The following FHIT variants were observed in gnomAD, a reference collection of about 807,000 sequenced individuals.
The protein encoded by FHIT is fragile histidine triad diadenosine triphosphatase.
FHIT carries 19 observed loss-of-function variants against 17.9 expected under a neutral mutation model. The observed-to-expected ratio is 1.06, with a 90% CI of 0.74 to 1.56. The LOEUF is 1.56. Among genes scored for constraint, FHIT ranks in the 40% most tolerant of loss-of-function variants. The pLI is 0.00. For synonymous variants in FHIT, 81 were observed against 69.7 expected, an observed-to-expected ratio of 1.16 and a Z score of -0.81; for missense variants, 248 against 189.2, an observed-to-expected ratio of 1.31 and a Z score of -1.82.
intron 3 of FHIT, among the ~76,000 whole-genome samples, chr3:60,995,549 C>A (rs1575813027): frequency 6.6e-6 from 1 of 152,212 alleles, no homozygotes; most frequent in Non-Finnish European, 1.5e-5. Context: ...GGTGTCCCAG[C>A]GGTCTTTCCC....
intron 5 of FHIT, among the ~76,000 whole-genome samples, chr3:60,494,231 C>A (rs1018455731): frequency 1.3e-5 from 2 of 152,156 alleles, no homozygotes; most frequent in Non-Finnish European, 2.9e-5. Flanking sequence ...CACTCCTAAC[C>A]CCTGGTACCA....
intron 2 of FHIT, among the ~76,000 whole-genome samples, chr3:61,044,811 G>C (rs985162300): frequency 2.0e-5 from 3 of 152,204 alleles, no homozygotes; most frequent in Non-Finnish European, 2.9e-5. Flanking sequence ...AGCCAGAAGA[G>C]AGTGGAGGCC....
intron 1 of FHIT, among the ~76,000 whole-genome samples, chr3:61,231,789 C>T (rs1353215588): frequency 1.3e-5 from 2 of 151,896 alleles, no homozygotes; most frequent in Non-Finnish European, 2.9e-5. Flanking sequence ...GTAACAAGTG[C>T]TATGGAAAAA....
intron 2 of FHIT, among the ~76,000 whole-genome samples, chr3:61,182,573 T>G (rs2038374181): frequency 6.6e-6 from 1 of 152,194 alleles, no homozygotes. Flanking sequence ...TCTCATCTCA[T>G]GTACCACATG....
At chr3:60,449,916 T>C (rs569479398) in intron 5 of FHIT, among the ~76,000 whole-genome samples, 6 of 141,306 alleles carry the variant, frequency 4.2e-5, no homozygotes, top group Non-Finnish European at 7.5e-5. Context: ...GGCAGGAGAA[T>C]CACTTGAAAC....
At chr3:60,093,294 G>A (rs1368404283) in intron 5 of FHIT, among the ~76,000 whole-genome samples, 1 of 152,046 alleles carries the variant, frequency 6.6e-6, no homozygotes, top group Admixed American at 6.5e-5. Flanking sequence ...TTGGCTCGTG[G>A]CCTCTTCCTT....
chr3:59,955,785 G>GAT (rs1318089410), intron 7 of FHIT, among the ~76,000 whole-genome samples: 1 of 152,102 alleles, frequency 6.6e-6, no homozygotes, highest in Non-Finnish European at 1.5e-5. Context: ...TTTCATTTGT[G>GAT]ATATATATGT....
chr3:60,027,140 C>CAAA lies in FHIT; in HGVS notation c.104-12989_104-12988insTTT, dbSNP rs1209851135. Among the ~76,000 whole-genome samples the CAAA allele has an allele frequency of 3.3e-4, 39 of 116,768 alleles. 1 individual carries two copies. The highest frequency in any genetic ancestry group is 5.0e-4 in the East Asian group (2 of 3,966). 76.6% of individuals were successfully genotyped at this position (116,768 alleles called of 152,430 possible). On this transcript the variant is annotated intron_variant, in intron 5 of 9. Transcript: ENST00000492590. ...ACACACACACACACACACACACACA[C>CAAA]ACACACACAAAATTAGTAAACCCAA...
intron 8 of FHIT, among the ~76,000 whole-genome samples, chr3:59,788,052 G>A (rs1218627024): frequency 6.6e-6 from 1 of 152,130 alleles, no homozygotes; most frequent in Non-Finnish European, 1.5e-5. Flanking sequence ...GTGTGACATT[G>A]GCCCTTCTGG....
intron 5 of FHIT, among the ~76,000 whole-genome samples, chr3:60,283,693 G>A (rs760955792): frequency 6.6e-6 from 1 of 152,054 alleles, no homozygotes; most frequent in African/African-American, 2.4e-5. Flanking sequence ...AATCATGTAA[G>A]GCTGGTATTT....
At chr3:60,702,086 C>T (rs2041261292) in intron 4 of FHIT, among the ~76,000 whole-genome samples, 1 of 152,224 alleles carries the variant, frequency 6.6e-6, no homozygotes, top group Non-Finnish European at 1.5e-5. Flanking sequence ...TGGTCTCTAA[C>T]TCCTGGGGCT....
chr3:60,187,118 T>G (rs1309306687), intron 5 of FHIT, among the ~76,000 whole-genome samples: 1 of 152,154 alleles, frequency 6.6e-6, no homozygotes, highest in Non-Finnish European at 1.5e-5. Flanking sequence ...GATCAAATGG[T>G]ATACATTGTG....
chr3:60,283,230 T>TAC (rs150295130), intron 5 of FHIT, among the ~76,000 whole-genome samples: 3,165 of 151,778 alleles, frequency 0.021, 51 homozygotes, highest in Non-Finnish European at 0.031. Context: ...CAGGGATATA[T>TAC]ACACACACAC....
intron 5 of FHIT, among the ~76,000 whole-genome samples, chr3:60,204,405 G>A (rs1576303986): frequency 6.6e-6 from 1 of 151,552 alleles, no homozygotes; most frequent in Non-Finnish European, 1.5e-5. Flanking sequence ...GAGTAGCTGG[G>A]ATTACAAGCA....
chr3:60,294,564 C>A (rs1345951887), intron 5 of FHIT, among the ~76,000 whole-genome samples: 2 of 152,118 alleles, frequency 1.3e-5, no homozygotes, highest in Non-Finnish European at 2.9e-5. Context: ...ATAACAATTA[C>A]AAAAGTAAAC....
intron 3 of FHIT, among the ~76,000 whole-genome samples, chr3:60,846,919 G>C (rs1462124278): frequency 2.6e-5 from 4 of 152,024 alleles, no homozygotes; most frequent in Non-Finnish European, 5.9e-5. Context: ...CGCCTCCCAG[G>C]TTCAAGCAAT....
At chr3:60,585,142 A>G (rs1360891628) in intron 4 of FHIT, among the ~76,000 whole-genome samples, 5 of 151,980 alleles carry the variant, frequency 3.3e-5, no homozygotes, top group African/African-American at 7.2e-5. Flanking sequence ...ATCCCTCCCT[A>G]TTTGTCAATA....
At chr3:59,841,977 T>C (rs1701550388) in intron 8 of FHIT, among the ~76,000 whole-genome samples, 1 of 152,174 alleles carries the variant, frequency 6.6e-6, no homozygotes, top group South Asian at 2.1e-4. Flanking sequence ...ATTTACATTG[T>C]GGGCTACAAT....
At chr3:60,026,011 G>A (rs1700727391) in intron 5 of FHIT, among the ~76,000 whole-genome samples, 1 of 151,802 alleles carries the variant, frequency 6.6e-6, no homozygotes, top group African/African-American at 2.4e-5. Context: ...AACCTCCAAG[G>A]CCTGTAAAGG....
Sources: allele counts gnomAD v4.1 joint callset (sites outside exome capture counted in the v4.1 genomes callset), GRCh38; gene constraint gnomAD v4.1.1; transcripts MANE v1.5; gene names NCBI Gene and HGNC (gene_info 2026-07-23, HGNC 2026-07-21).